Variants in PTBP3 observed in about 807,000 individuals in gnomAD.
The protein encoded by PTBP3 is polypyrimidine tract binding protein 3.
In PTBP3, 20 loss-of-function variants were observed where a neutral mutation model predicts 58.7. The observed-to-expected ratio is 0.34, with a 90% CI of 0.24 to 0.50. The LOEUF (loss-of-function observed/expected upper bound fraction) is 0.50, where lower values mean the gene tolerates loss of function less well. PTBP3 is among the 20% of genes least tolerant of loss of function. The probability of loss-of-function intolerance (pLI) is 0.98; values close to 1 mark genes in which losing one functional copy is unlikely to be tolerated. For missense variants in PTBP3, 509 were observed against 637.2 expected (o/e 0.80, Z 2.17); for synonymous variants, 185 against 219.8 (o/e 0.84, Z 1.40).
At chr9:112,366,365 G>C in the PTBP3 span, among the ~76,000 whole-genome samples, 1 of 152,076 alleles carries the variant, frequency 6.6e-6, no homozygotes, top group Non-Finnish European at 1.5e-5. Context: ...GCATGTCAGA[G>C]GTCTTCATGG....
In PTBP3 at chr9:112,221,535, C is replaced by T. The variant is rs1217609744; in HGVS notation, c.*2316G>A. ...ATGGCACTGAAAATTATAATAGTGC[C>T]TGTGTGGAAGGGAAAAAAAAGCAAG... On this transcript the variant is annotated 3_prime_UTR_variant, in exon 14 of 14. Transcript: ENST00000374257. 1.0e-6 allele frequency: 1 copy of T among 985,604 alleles called. No individual in the cohort carries two copies. Among genetic ancestry groups the T allele is most frequent in the Non-Finnish European group, 1.2e-6 (1 of 829,896 alleles). The allele number at this position is 985,604 out of a possible 1,614,324, so 61.1% of individuals were successfully genotyped here.
At chr9:112,376,662 G>A in the PTBP3 span, among the ~76,000 whole-genome samples, 1 of 152,108 alleles carries the variant, frequency 6.6e-6, no homozygotes, top group Non-Finnish European at 1.5e-5. Context: ...TCTGATGTTG[G>A]AGGGCAAGAA....
chr9:112,294,812 A>G (rs1034990325), intron 2 of PTBP3, among the ~76,000 whole-genome samples: 1 of 152,232 alleles, frequency 6.6e-6, no homozygotes, highest in African/African-American at 2.4e-5. Context: ...CATAAAATAA[A>G]TATTCAAAAA....
intron 1 of PTBP3, among the ~76,000 whole-genome samples, chr9:112,319,304 AAG>A (rs1376156788): frequency 6.6e-6 from 1 of 152,128 alleles, no homozygotes; most frequent in Non-Finnish European, 1.5e-5. Flanking sequence ...CTGGGAGGCC[AAG>A]GCAGGAGGAT....
the PTBP3 span, among the ~76,000 whole-genome samples, chr9:112,350,989 T>G: frequency 6.6e-6 from 1 of 151,974 alleles, no homozygotes; most frequent in Non-Finnish European, 1.5e-5. Flanking sequence ...AGTACCATGT[T>G]GGCCAGCCTG....
chr9:112,308,351 T>TAAA (rs58071863), intron 1 of PTBP3, among the ~76,000 whole-genome samples: 7 of 135,092 alleles, frequency 5.2e-5, no homozygotes, highest in Non-Finnish European at 9.6e-5. Flanking sequence ...TCCTTTTATT[T>TAAA]AAAAAAAAAA....
Position 112,229,564 on chromosome 9 carries a change from CAA to C in PTBP3, c.1055-1094_1055-1093del, listed in dbSNP as rs35366224. Among the ~76,000 whole-genome samples the C allele has an allele frequency of 5.3e-3, 753 of 141,394 alleles. 3 individuals carry two copies. The highest frequency in any genetic ancestry group is 0.014 in the African/African-American group (521 of 38,124). 92.8% of individuals were successfully genotyped at this position (141,394 alleles called of 152,430 possible). ...TGGGCAACAGAATAAGACCCTGTCT[CAA>C]AAAAAAAAAAAAAAATCTTTCAATA... On this transcript the variant is annotated intron_variant, in intron 10 of 13. Coordinates refer to ENST00000374257, the MANE Select transcript of PTBP3 (RefSeq NM_001163788.4).
At chr9:112,297,977 C>T in intron 1 of PTBP3, 61 bp from the exon 2 acceptor site, 21 of 1,332,344 alleles carry the variant, frequency 1.6e-5, no homozygotes, top group Non-Finnish European at 2.2e-5. Flanking sequence ...TCCATATTTA[C>T]TAAAAGTATT....
chr9:112,357,339 G>A, the PTBP3 span, among the ~76,000 whole-genome samples: 1 of 151,978 alleles, frequency 6.6e-6, no homozygotes, highest in African/African-American at 2.4e-5. Flanking sequence ...TTGTGTTGTT[G>A]TTGTTGTTGT....
chr9:112,339,618 C>A, the PTBP3 span, among the ~76,000 whole-genome samples: 1 of 148,676 alleles, frequency 6.7e-6, no homozygotes, highest in Non-Finnish European at 1.5e-5. Flanking sequence ...GGTTGCTGTG[C>A]AGTGGAATGA....
intron 2 of PTBP3, among the ~76,000 whole-genome samples, chr9:112,291,793 A>AT (rs1444072491): frequency 6.6e-6 from 1 of 152,242 alleles, no homozygotes; most frequent in Non-Finnish European, 1.5e-5. Context: ...GGAAAGCTTC[A>AT]TGACAGTGGA....
intron 1 of PTBP3, among the ~76,000 whole-genome samples, chr9:112,326,010 C>T (rs1159894165): frequency 5.3e-5 from 4 of 75,856 alleles, no homozygotes; most frequent in Non-Finnish European, 9.6e-5. Context: ...ACAGTGAGAC[C>T]CTGTCTCAAA....
chr9:112,355,970 C>CTCCT, the PTBP3 span, among the ~76,000 whole-genome samples: 1 of 147,564 alleles, frequency 6.8e-6, no homozygotes, highest in African/African-American at 2.5e-5. Context: ...CTTTCTCTTT[C>CTCCT]TCCTTCCTTC....
intron 1 of PTBP3, among the ~76,000 whole-genome samples, chr9:112,325,518 T>C (rs1399175171): frequency 6.7e-6 from 1 of 150,300 alleles, no homozygotes; most frequent in Non-Finnish European, 1.5e-5. Context: ...CTCCTGGTTG[T>C]GAGACAAGAA....
chr9:112,230,165 A>T (rs1589798014), intron 10 of PTBP3, among the ~76,000 whole-genome samples: 1 of 151,902 alleles, frequency 6.6e-6, no homozygotes, highest in South Asian at 2.1e-4. Context: ...AAATTCCATT[A>T]AAAAAAACCT....
intron 2 of PTBP3, among the ~76,000 whole-genome samples, chr9:112,295,601 T>TAAAAAAAAAAAA (rs35276003): frequency 2.2e-5 from 2 of 92,500 alleles, no homozygotes; most frequent in Admixed American, 1.2e-4. Context: ...GTTCTGTTGG[T>TAAAAAAAAAAAA]AAAAAAAAAA....
chr9:112,238,678 GA>G (rs1260787704), intron 7 of PTBP3, among the ~76,000 whole-genome samples: 1 of 146,618 alleles, frequency 6.8e-6, no homozygotes, highest in South Asian at 2.2e-4. Context: ...AGAACAGCCA[GA>G]AAAAACAGAG....
intron 4 of PTBP3, among the ~76,000 whole-genome samples, chr9:112,264,046 A>G (rs938202350): frequency 2.0e-5 from 3 of 152,324 alleles, no homozygotes; most frequent in Middle Eastern, 3.4e-3. Context: ...TATGGGAAAT[A>G]ATTTTTAAAT....
chr9:112,222,749 G>T lies in PTBP3; in HGVS notation c.*1102C>A. On this transcript the variant is annotated 3_prime_UTR_variant, in exon 14 of 14. Coordinates refer to ENST00000374257, the MANE Select transcript of PTBP3 (RefSeq NM_001163788.4). ...ACCAAGCCCACAATATAGCTTTCAA[G>T]ATATTTAGATTAAACTCTAACCTAT... 2 of 967,832 alleles carry T rather than the reference G, an allele frequency of 2.1e-6. No homozygotes were observed. The highest frequency in any genetic ancestry group is 2.5e-6 in the Non-Finnish European group (2 of 813,612). 60.0% of individuals were successfully genotyped at this position (967,832 alleles called of 1,614,324 possible). A position where few individuals can be genotyped will look rare whatever the true frequency, so the allele number is the denominator to read the frequency against.
Sources: allele counts gnomAD v4.1 joint callset (sites outside exome capture counted in the v4.1 genomes callset), GRCh38; gene constraint gnomAD v4.1.1; transcripts MANE v1.5; gene names NCBI Gene and HGNC (gene_info 2026-07-23, HGNC 2026-07-21).